Variants in HOOK3 observed in about 807,000 individuals in gnomAD.
HOOK3 encodes hook microtubule tethering protein 3, also known as protein Hook homolog 3.
Under a neutral mutation model 116.3 loss-of-function variants are expected in HOOK3, and 24 were observed. The ratio of observed to expected loss-of-function variants is 0.21; its 90% confidence interval spans 0.15 to 0.29. HOOK3 has a LOEUF of 0.29. Among genes scored for constraint, HOOK3 ranks in the 10% least tolerant of loss-of-function variants. HOOK3 has a pLI of 1.00. For synonymous variants in HOOK3, 275 were observed against 283.0 expected (o/e 0.97, Z 0.28); for missense variants, 632 against 830.2 (o/e 0.76, Z 2.93).
intron 7 of HOOK3, among the ~76,000 whole-genome samples, chr8:42,958,033 C>A (rs1052326782): frequency 5.9e-5 from 9 of 152,046 alleles, no homozygotes; most frequent in Non-Finnish European, 1.2e-4. Flanking sequence ...GGGGTTTCAC[C>A]ATGTTAGCCA....
At chr8:42,956,956 C>A (rs989152062) in intron 6 of HOOK3, 138 bp from the exon 7 acceptor site, 6 of 445,188 alleles carry the variant, frequency 1.3e-5, no homozygotes, top group African/African-American at 1.0e-4. Flanking sequence ...AGCTTTAATG[C>A]AAAGTGTTTT....
intron 17 of HOOK3, among the ~76,000 whole-genome samples, chr8:43,006,441 A>G (rs904012315): frequency 2.0e-5 from 3 of 151,676 alleles, no homozygotes; most frequent in African/African-American, 7.3e-5. Flanking sequence ...TAGCCTCCCG[A>G]GTAGCTGAGT....
At chr8:42,918,749 G>T (rs1035507344) in intron 2 of HOOK3, among the ~76,000 whole-genome samples, 2 of 152,172 alleles carry the variant, frequency 1.3e-5, no homozygotes, top group Non-Finnish European at 2.9e-5. Flanking sequence ...TGGGGGTAAG[G>T]TTATAGATTA....
At chr8:42,934,138 C>T (rs930622645) in intron 4 of HOOK3, among the ~76,000 whole-genome samples, 1 of 151,182 alleles carries the variant, frequency 6.6e-6, no homozygotes, top group South Asian at 2.1e-4. Context: ...GCTATTGAAC[C>T]GCCTGGGTTA....
intron 21 of HOOK3, among the ~76,000 whole-genome samples, chr8:43,016,980 C>T (rs554694718): frequency 1.4e-4 from 22 of 152,126 alleles, no homozygotes; most frequent in African/African-American, 4.8e-4. Flanking sequence ...TCGAGACCAG[C>T]CTGGGCAACA....
intron 21 of HOOK3, among the ~76,000 whole-genome samples, chr8:43,014,285 G>GAA (rs1195987584): frequency 1.1e-3 from 72 of 66,622 alleles, no homozygotes; most frequent in African/African-American, 2.3e-3. Flanking sequence ...GACTGTCTCA[G>GAA]AAAAAAAAAA....
intron 2 of HOOK3, among the ~76,000 whole-genome samples, chr8:42,918,919 A>C (rs1277833918): frequency 6.6e-6 from 1 of 152,166 alleles, no homozygotes; most frequent in African/African-American, 2.4e-5. Flanking sequence ...GCCCGTTCTC[A>C]ATGAGCTGTT....
At chr8:42,977,873 A>G (rs571673943) in intron 13 of HOOK3, among the ~76,000 whole-genome samples, 1 of 152,308 alleles carries the variant, frequency 6.6e-6, no homozygotes, top group Non-Finnish European at 1.5e-5. Flanking sequence ...TCTCCAAAAA[A>G]AGAAAAAACA....
intron 21 of HOOK3, among the ~76,000 whole-genome samples, chr8:43,015,481 C>T (rs888958045): frequency 1.3e-5 from 2 of 152,128 alleles, no homozygotes; most frequent in Non-Finnish European, 2.9e-5. Context: ...CGAGATCACA[C>T]CACTGCCCTC....
chr8:42,979,938 A>G (rs1808904693), intron 13 of HOOK3, among the ~76,000 whole-genome samples: 2 of 148,876 alleles, frequency 1.3e-5, no homozygotes, highest in Admixed American at 1.3e-4. Context: ...TCATCTCTAC[A>G]TGAGTTTTGT....
chr8:42,933,104 A>G (rs1318649073), intron 4 of HOOK3, among the ~76,000 whole-genome samples: 1 of 152,214 alleles, frequency 6.6e-6, no homozygotes, highest in African/African-American at 2.4e-5. Flanking sequence ...CCACCTCATC[A>G]TTATTTCATA....
chr8:42,947,161 C>T (rs1808246098), intron 5 of HOOK3, among the ~76,000 whole-genome samples: 1 of 152,072 alleles, frequency 6.6e-6, no homozygotes, highest in Non-Finnish European at 1.5e-5. Context: ...TATGTATATT[C>T]CTGGAGTGTC....
At chr8:42,972,018 CTTTT>C (rs1434024941) in intron 11 of HOOK3, among the ~76,000 whole-genome samples, 1 of 152,132 alleles carries the variant, frequency 6.6e-6, no homozygotes, top group Non-Finnish European at 1.5e-5. Context: ...TTCCTCTTTA[CTTTT>C]TTAAGTATGT....
chr8:43,008,129 C>G (rs1392117575), intron 18 of HOOK3, among the ~76,000 whole-genome samples, 200 bp downstream of exon 18: 1 of 151,970 alleles, frequency 6.6e-6, no homozygotes, highest in Non-Finnish European at 1.5e-5. Flanking sequence ...TGCCATTCTC[C>G]TGCCTCAGCC....
intron 1 of HOOK3, among the ~76,000 whole-genome samples, chr8:42,897,792 G>GT (rs1465279760): frequency 6.6e-6 from 1 of 152,250 alleles, no homozygotes; most frequent in African/African-American, 2.4e-5. Context: ...TTCTTAAACG[G>GT]TTTTAGATTC....
At chr8:43,001,275 C>T (rs1809375921) in intron 16 of HOOK3, among the ~76,000 whole-genome samples, 1 of 152,006 alleles carries the variant, frequency 6.6e-6, no homozygotes, top group Non-Finnish European at 1.5e-5. Context: ...GAAGTGAATA[C>T]AAAATTGTGG....
intron 15 of HOOK3, among the ~76,000 whole-genome samples, chr8:42,995,429 C>T (rs1285309374): frequency 6.6e-6 from 1 of 152,180 alleles, no homozygotes; most frequent in Non-Finnish European, 1.5e-5. Context: ...CCCCCTTCTT[C>T]AAATTTTTTA....
intron 6 of HOOK3, among the ~76,000 whole-genome samples, chr8:42,953,181 A>G (rs1415777029): frequency 1.3e-5 from 2 of 152,086 alleles, no homozygotes; most frequent in East Asian, 1.9e-4. Context: ...AGAGCAGGGA[A>G]AAGAATAAGA....
Position 42,963,215 on chromosome 8 carries a change from C to T in HOOK3, c.616-1096C>T, listed in dbSNP as rs540658197. 7.8e-4 allele frequency among the ~76,000 whole-genome samples: 119 copies of T among 152,160 alleles called. 2 individuals are homozygous for T. The highest frequency in any genetic ancestry group is 2.6e-3 in the African/African-American group (110 of 41,514). ...GGTTGAGTATTCCATATATGAAATT[C>T]GGGATATTTTTGGATTTGGGGATAT... On this transcript the variant is annotated intron_variant, in intron 8 of 21. Transcript: ENST00000307602.
Sources: gnomAD v4.1 joint callset for allele counts (sites outside exome capture counted in the v4.1 genomes callset) on GRCh38, gnomAD v4.1.1 for gene constraint, MANE v1.5 for transcripts, NCBI Gene and HGNC (gene_info 2026-07-23, HGNC 2026-07-21) for gene names.